ZNF106: variants seen among roughly 807,000 people sequenced by gnomAD.
The protein encoded by ZNF106 is SH3-domain binding protein 3.
ZNF106 carries 67 observed loss-of-function variants against 195.1 expected under a neutral mutation model. The ratio of observed to expected loss-of-function variants is 0.34; its 90% CI spans 0.28 to 0.42. The LOEUF is 0.42. Ranked by LOEUF, ZNF106 falls within the 10% of genes least tolerant of loss-of-function variation. The pLI is 1.00. For synonymous variants in ZNF106, 784 were observed against 818.6 expected, an observed-to-expected ratio of 0.96 and a Z score of 0.72; for missense variants, 2,118 against 2,304.5, an observed-to-expected ratio of 0.92 and a Z score of 1.66.
At chr15:42,468,014 G>A (rs977843510) in intron 2 of ZNF106, among the ~76,000 whole-genome samples, 1 of 143,944 alleles carries the variant, frequency 6.9e-6, no homozygotes, top group Non-Finnish European at 1.5e-5. Flanking sequence ...ACAACCCACT[G>A]TTACTTAAAG....
At chr15:42,467,041 G>C (rs1375003144) in intron 2 of ZNF106, among the ~76,000 whole-genome samples, 5 of 152,172 alleles carry the variant, frequency 3.3e-5, no homozygotes, top group African/African-American at 1.2e-4. Flanking sequence ...GCTGAGGCAG[G>C]AGAATCGCTT....
At chr15:42,443,722 CCT>C in intron 9 of ZNF106, among the ~76,000 whole-genome samples, 1 of 150,914 alleles carries the variant, frequency 6.6e-6, no homozygotes, top group South Asian at 2.1e-4. Flanking sequence ...AGAGCAAGAC[CCT>C]GTCTCAAAAA....
chr15:42,450,311 A>T lies in ZNF106; in HGVS notation c.1961T>A (p.Ile654Asn). The part of the protein sequence containing the change: ...TADEKEEDDR[I>N]LKTSRELSTS... ...GGATAGCTCTCTAGAAGTCTTCAGG[A>T]TGCGGTCATCCTCCTCTTTCTCATC... is the stretch of plus-strand genomic sequence containing the variant. The change falls in exon 5 of 22, where the codon ATC (isoleucine) becomes AAC (asparagine). Residue 654 changes from isoleucine (I) to asparagine (N), a missense_variant. Physicochemically the swap from Ile to Asn is moderately radical, Grantham distance 149. Coordinates refer to ENST00000564754, the MANE Select transcript of ZNF106 (RefSeq NM_001366845.3). The T allele has an allele frequency of 6.2e-7, 1 of 1,614,174 alleles. No individual in the cohort carries two copies. The highest frequency in any genetic ancestry group is 1.1e-5 in the South Asian group (1 of 91,082).
chr15:42,472,210 T>C (rs1455196971), intron 2 of ZNF106, 26 bp downstream of exon 2: 4 of 1,531,398 alleles, frequency 2.6e-6, no homozygotes, highest in South Asian at 1.2e-5. Flanking sequence ...TCATAAAGCC[T>C]CAGATTCTCC....
At chr15:42,475,279 T>A in intron 1 of ZNF106, among the ~76,000 whole-genome samples, 1 of 151,930 alleles carries the variant, frequency 6.6e-6, no homozygotes, top group East Asian at 1.9e-4. Flanking sequence ...ATGTCTCTAT[T>A]AAAAATACAA....
Position 42,449,610 on chromosome 15 carries a change from T to C in ZNF106, c.2501+161A>G, listed in dbSNP as rs528717323. 1.5e-4 allele frequency among the ~76,000 whole-genome samples: 23 copies of C among 152,310 alleles called. No individual in the cohort carries two copies. The East Asian group carries it at 2.1e-3, about 14-fold the overall frequency. ...AGGAAATACTTTATTCCATCTGTCA[T>C]AGAGTATCAGTCACTATTTGATATT... On this transcript the variant is annotated intron_variant, in intron 5 of 21. Transcript: ENST00000564754.
At chr15:42,472,603 C>A (rs2056699707) in intron 1 of ZNF106, among the ~76,000 whole-genome samples, 1 of 152,050 alleles carries the variant, frequency 6.6e-6, no homozygotes, top group Admixed American at 6.6e-5. Context: ...TCCCACACGG[C>A]ATTACCCTAC....
At chr15:42,474,676 A>G (rs1366563268) in intron 1 of ZNF106, among the ~76,000 whole-genome samples, 1 of 152,140 alleles carries the variant, frequency 6.6e-6, no homozygotes, top group Non-Finnish European at 1.5e-5. Context: ...CCTTGAGCCC[A>G]GGAGTTTGAG....
chr15:42,439,628 C>T lies in ZNF106; in HGVS notation c.3949G>A (p.Gly1317Arg). Residue 1317 changes from glycine to arginine, a missense_variant, in exon 11 of 22, where the codon GGG becomes AGG. Coordinates refer to ENST00000564754, the MANE Select transcript of ZNF106 (RefSeq NM_001366845.3). ...CTATTGCCTTTGGTTGGCTCTTCCC[C>T]TTCTTTATTTATGCTAGAAAGACCA... ...SAGLSSINKE[G>R]EEPTKGNSGS... 1 of 1,613,804 alleles carries T rather than the reference C, an allele frequency of 6.2e-7. No individual in the cohort carries two copies.
chr15:42,470,225 C>T (rs1395447157), intron 2 of ZNF106, among the ~76,000 whole-genome samples: 1 of 152,106 alleles, frequency 6.6e-6, no homozygotes, highest in Non-Finnish European at 1.5e-5. Context: ...CTCAGGGATA[C>T]CTTACACAGC....
intron 20 of ZNF106, among the ~76,000 whole-genome samples, chr15:42,418,558 T>A (rs4923946): frequency 7.1e-6 from 1 of 141,194 alleles, no homozygotes; most frequent in African/African-American, 2.7e-5. Flanking sequence ...TTTTTTTTTT[T>A]AGTAAAGACA....
intron 1 of ZNF106, among the ~76,000 whole-genome samples, chr15:42,482,916 G>T (rs545211548): frequency 6.6e-6 from 1 of 152,282 alleles, no homozygotes; most frequent in South Asian, 2.1e-4. Context: ...GGTTTGGGCA[G>T]AGTTTATTCA....
rs186101947 is a variant in ZNF106, at chr15:42,420,094, C to T, written c.5517+967G>A. Among the ~76,000 whole-genome samples the T allele has an allele frequency of 2.7e-3, 418 of 152,328 alleles. 7 individuals carry two copies. In the Middle Eastern group the frequency reaches 0.031, roughly 11 times the overall value. On this transcript the variant is annotated intron_variant, in intron 20 of 21. Coordinates refer to ENST00000564754, the MANE Select transcript of ZNF106 (RefSeq NM_001366845.3). ...TCTATTTGTGTACTCTGGATCCTGT[C>T]GTTCAGTAGTGCCTCCTTATCCATG... is the stretch of plus-strand genomic sequence containing the variant.
chr15:42,469,855 C>CAA (rs200907669), intron 2 of ZNF106, among the ~76,000 whole-genome samples: 2 of 106,958 alleles, frequency 1.9e-5, no homozygotes, highest in African/African-American at 7.8e-5. Flanking sequence ...AACAAAACAA[C>CAA]AACAAAAAAA....
intron 17 of ZNF106, among the ~76,000 whole-genome samples, chr15:42,422,900 G>C (rs762928175): frequency 1.3e-5 from 2 of 152,060 alleles, no homozygotes; most frequent in Non-Finnish European, 2.9e-5. Context: ...AACTCTATCT[G>C]TATTTATAGC....
rs192012198 is a variant in ZNF106, at chr15:42,476,199, T to C, written c.-32-3878A>G. ...CAAAGTATTCAATCGATAAGGAAGA[T>C]TTAGTATTTAAACCCTGAGGTGACA... On this transcript the variant is annotated intron_variant, in intron 1 of 21. Coordinates refer to ENST00000564754, the MANE Select transcript of ZNF106 (RefSeq NM_001366845.3). Among the ~76,000 whole-genome samples the C allele has an allele frequency of 3.6e-4, 55 of 152,258 alleles. No individual in the cohort carries two copies. In the East Asian group the frequency reaches 8.1e-3, roughly 22 times the overall value.
At chr15:42,467,318 T>C (rs1389680280) in intron 2 of ZNF106, among the ~76,000 whole-genome samples, 1 of 152,226 alleles carries the variant, frequency 6.6e-6, no homozygotes, top group African/African-American at 2.4e-5. Flanking sequence ...TGCTATTTAC[T>C]GCATTCCGTG....
At chr15:42,475,059 A>G (rs920086515) in intron 1 of ZNF106, among the ~76,000 whole-genome samples, 1 of 152,234 alleles carries the variant, frequency 6.6e-6, no homozygotes, top group Non-Finnish European at 1.5e-5. Context: ...AGGACCAATG[A>G]AAGAGGCCTA....
At chr15:42,469,688 T>G (rs931235082) in intron 2 of ZNF106, among the ~76,000 whole-genome samples, 1 of 151,208 alleles carries the variant, frequency 6.6e-6, no homozygotes, top group Non-Finnish European at 1.5e-5. Flanking sequence ...CAAAAAAAAA[T>G]TTTTAATTAA....
Sources: gnomAD v4.1 joint callset for allele counts (sites outside exome capture counted in the v4.1 genomes callset) on GRCh38, gnomAD v4.1.1 for gene constraint, MANE v1.5 for transcripts, NCBI Gene and HGNC (gene_info 2026-07-23, HGNC 2026-07-21) for gene names.